The following NRXN2 variants were observed in gnomAD, a reference collection of about 807,000 sequenced individuals.
NRXN2 encodes the protein neurexin-2-beta.
In NRXN2, 29 loss-of-function variants were observed where a neutral mutation model predicts 128.8. The observed-to-expected ratio is 0.23, with a 90% CI of 0.17 to 0.31. The LOEUF (loss-of-function observed/expected upper bound fraction) is 0.31. NRXN2 is among the 10% of genes least tolerant of loss of function. The pLI is 1.00. For missense variants in NRXN2, 1,881 were observed against 2,452.6 expected, an observed-to-expected ratio of 0.77 and a Z score of 4.92; for synonymous variants, 1,098 against 1,075.2, an observed-to-expected ratio of 1.02 and a Z score of -0.41.
At position 64,606,805 on chromosome 11, in the gene NRXN2, GGAA is replaced by G. The variant is rs898919476; in HGVS notation, c.*388_*390del. The G allele has an allele frequency of 1.2e-4, 25 of 207,690 alleles. No individual in the cohort carries two copies. Among genetic ancestry groups the G allele is most frequent in the Middle Eastern group, 1.9e-3 (1 of 524 alleles). The allele number at this position is 207,690 out of a possible 1,614,324, so 12.9% of individuals were successfully genotyped here. A position where few individuals can be genotyped will look rare whatever the true frequency, so the allele number is the denominator to read the frequency against. On this transcript the variant is annotated 3_prime_UTR_variant, in exon 23 of 23. Coordinates refer to ENST00000265459, the MANE Select transcript of NRXN2 (RefSeq NM_015080.4). ...GAGAAGGAAGGCAGGAGGGACAGAA[GGAA>G]GAAGAAGAAAAATTGAGGAAAATTA...
At chr11:64,649,529 C>G (rs568974676) in intron 15 of NRXN2, among the ~76,000 whole-genome samples, 1 of 152,240 alleles carries the variant, frequency 6.6e-6, no homozygotes, top group African/African-American at 2.4e-5. Flanking sequence ...GGGCTCAGTA[C>G]AACACAAGAC....
rs147464846 is a variant in NRXN2 at position 64,690,579 on chromosome 11, G to A, written c.779-103C>T. ...CCTCTCCAGGGTGGAGGTGCTGCTT[G>A]CACGGACAGGGGAGGAGAGGCTTTT... On this transcript the variant is annotated intron_variant, in intron 4 of 22. Transcript: ENST00000265459. 2.6e-3 allele frequency: 2,649 copies of A among 1,027,252 alleles called. 3 individuals are homozygous for A. The highest frequency in any genetic ancestry group is 3.2e-3 in the Non-Finnish European group (2,159 of 670,554). The allele number at this position is 1,027,252 out of a possible 1,614,324, so 63.6% of individuals were successfully genotyped here. A position where few individuals can be genotyped will look rare whatever the true frequency, so the allele number is the denominator to read the frequency against.
chr11:64,692,995 A>C, intron 3 of NRXN2, 119 bp from the exon 4 acceptor site: 75 of 841,052 alleles, frequency 8.9e-5, no homozygotes, highest in Non-Finnish European at 1.4e-4. Flanking sequence ...AAGGGAGAAA[A>C]AAGCTTTTGC....
At chr11:64,679,175 T>C (rs920574198) in intron 6 of NRXN2, among the ~76,000 whole-genome samples, 2 of 152,186 alleles carry the variant, frequency 1.3e-5, no homozygotes, top group African/African-American at 2.4e-5. Context: ...AAGTGTTGTC[T>C]GGTATCACTG....
intron 6 of NRXN2, among the ~76,000 whole-genome samples, chr11:64,680,867 T>C (rs1430933160): frequency 1.3e-5 from 2 of 151,768 alleles, no homozygotes; most frequent in East Asian, 1.9e-4. Flanking sequence ...GAGGCTGAGG[T>C]AGGTGGATCA....
chr11:64,694,053 G>A (rs2054179205), intron 3 of NRXN2, among the ~76,000 whole-genome samples: 1 of 152,134 alleles, frequency 6.6e-6, no homozygotes, highest in Admixed American at 6.5e-5. Flanking sequence ...TGGCCCACTG[G>A]ATCAGTACCC....
At chr11:64,611,227 T>C (rs981347623) in intron 22 of NRXN2, among the ~76,000 whole-genome samples, 29 of 152,118 alleles carry the variant, frequency 1.9e-4, no homozygotes, top group Non-Finnish European at 3.5e-4. Flanking sequence ...AGTGGGCGTC[T>C]CTCTCACAGG....
At chr11:64,652,273 A>G (rs1366745564) in intron 12 of NRXN2, 119 bp from the exon 13 acceptor site, 4 of 1,321,348 alleles carry the variant, frequency 3.0e-6, no homozygotes, top group African/African-American at 1.5e-5. Context: ...ATGAACACAT[A>G]CATGACCAGT....
Position 64,630,301 on chromosome 11 carries a change from G to T in NRXN2, c.3757+101C>A. 1 of 1,119,494 alleles carries T rather than the reference G, an allele frequency of 8.9e-7. No individual in the cohort carries two copies. The allele number at this position is 1,119,494 out of a possible 1,614,324, so 69.3% of individuals were successfully genotyped here. A position where few individuals can be genotyped will look rare whatever the true frequency, so the allele number is the denominator to read the frequency against. ...CCCCGCCCCAGAGCCGCTTAGCCCC[G>T]CCCCAGAGCCGCTTAGCCCCGCCCC... On this transcript the variant is annotated intron_variant, in intron 19 of 22. Coordinates refer to ENST00000265459, the MANE Select transcript of NRXN2 (RefSeq NM_015080.4). This position sits in a 1 kb window ranked among gnomAD's most constrained non-coding sequence, Gnocchi z 4.6.
At chr11:64,665,289 A>AAAAG (rs59427296) in intron 9 of NRXN2, among the ~76,000 whole-genome samples, 1 of 152,060 alleles carries the variant, frequency 6.6e-6, no homozygotes, top group South Asian at 2.1e-4. Context: ...CAAAAAAAAA[A>AAAAG]AAAGAAAGAA....
At position 64,668,486 on chromosome 11, in the gene NRXN2, G is replaced by A. The variant is rs573733911; in HGVS notation, c.1316C>T (p.Pro439Leu). 114 of 1,613,982 alleles carry A rather than the reference G, an allele frequency of 7.1e-5. No individual in the cohort carries two copies. The highest frequency in any genetic ancestry group is 9.2e-5 in the Non-Finnish European group (108 of 1,180,044). ...GAAGTTGTTGCTGACGGGCGAGCCC[G>A]GCAGGTCAGCTGTGTTGGGGCTGCC... Reference protein sequence around the residue: ...IGGSPNTADLPGSPVSNNFMG... With the variant: ...IGGSPNTADLLGSPVSNNFMG... The change falls in exon 8 of 23, where the codon CCG becomes CTG. Residue 439 changes from proline (P) to leucine (L), a missense_variant. Coordinates refer to ENST00000265459, the MANE Select transcript of NRXN2 (RefSeq NM_015080.4).
rs757277890 is a variant in NRXN2 at position 64,606,346 on chromosome 11, C to G, written c.*850G>C. Reference sequence around the variant, plus strand: ...TGTGGACAATGCCTTGCTCCCTCTTCCCTGCTGCCCGCGCCCAGCGGGTGC... The same window carrying G: ...TGTGGACAATGCCTTGCTCCCTCTTGCCTGCTGCCCGCGCCCAGCGGGTGC... On this transcript the variant is annotated 3_prime_UTR_variant, in exon 23 of 23. Coordinates refer to ENST00000265459, the MANE Select transcript of NRXN2 (RefSeq NM_015080.4). The G allele has an allele frequency of 6.5e-6, 1 of 152,702 alleles. No individual in the cohort carries two copies. Among genetic ancestry groups the G allele is most frequent in the Admixed American group, 6.5e-5 (1 of 15,304 alleles). 9.5% of individuals were successfully genotyped at this position (152,702 alleles called of 1,614,324 possible). A position where few individuals can be genotyped will look rare whatever the true frequency, so the allele number is the denominator to read the frequency against.
intron 17 of NRXN2, among the ~76,000 whole-genome samples, chr11:64,646,882 G>C (rs372971746): frequency 6.6e-6 from 1 of 152,216 alleles, no homozygotes. Context: ...GGTCAAGTAA[G>C]GAAAATCTTG....
At chr11:64,677,573 T>C (rs1369344662) in intron 6 of NRXN2, among the ~76,000 whole-genome samples, 1 of 152,132 alleles carries the variant, frequency 6.6e-6, no homozygotes, top group Non-Finnish European at 1.5e-5. Context: ...AGCGTGTTAG[T>C]AACACACACA....
chr11:64,621,360 A>G (rs770185721), intron 21 of NRXN2, among the ~76,000 whole-genome samples: 1 of 151,578 alleles, frequency 6.6e-6, no homozygotes, highest in Non-Finnish European at 1.5e-5. Context: ...CTCGTCCCCT[A>G]TGATTTGGAG....
intron 22 of NRXN2, among the ~76,000 whole-genome samples, chr11:64,616,852 T>A (rs569142232): frequency 1.3e-5 from 2 of 152,300 alleles, no homozygotes; most frequent in South Asian, 4.1e-4. Flanking sequence ...TTGGTGCAAC[T>A]GAACACACAC....
intron 4 of NRXN2, 128 bp from the exon 5 acceptor site, chr11:64,690,604 T>C (rs1168472304): frequency 1.2e-6 from 1 of 803,656 alleles, no homozygotes; most frequent in Admixed American, 2.1e-5. Context: ...GAGAGGCTTT[T>C]CTGGGGACTC....
Position 64,622,150 on chromosome 11 carries a change from G to T in NRXN2, c.4173+603C>A, listed in dbSNP as rs556933414. Among the ~76,000 whole-genome samples, 27 of 152,344 alleles carry T rather than the reference G, an allele frequency of 1.8e-4. No individual in the cohort carries two copies. The East Asian group carries it at 5.2e-3, about 29-fold the overall frequency. ...TGAAGCTGCCTGAGTTGTGGTGCCTGCTCATAGTCACATGGAGAGGGCTTG... is the reference window on the plus strand; with the variant it reads ...TGAAGCTGCCTGAGTTGTGGTGCCTTCTCATAGTCACATGGAGAGGGCTTG... On this transcript the variant is annotated intron_variant, in intron 21 of 22. Coordinates refer to ENST00000265459, the MANE Select transcript of NRXN2 (RefSeq NM_015080.4). This position sits in a 1 kb window ranked among gnomAD's most constrained non-coding sequence, Gnocchi z 4.3.
intron 2 of NRXN2, among the ~76,000 whole-genome samples, chr11:64,702,230 G>A (rs1433103467): frequency 1.5e-4 from 23 of 151,762 alleles, no homozygotes; most frequent in South Asian, 1.5e-3. Context: ...GGTGAGGGGC[G>A]CCTCTGCCCG....
Sources: allele counts gnomAD v4.1 joint callset (sites outside exome capture counted in the v4.1 genomes callset), GRCh38; gene constraint gnomAD v4.1.1; non-coding constraint Gnocchi (gnomAD v3.1); transcripts MANE v1.5; gene names NCBI Gene and HGNC (gene_info 2026-07-23, HGNC 2026-07-21).